BTBD9: variants seen among roughly 807,000 people sequenced by gnomAD.
BTBD9 encodes the protein BTB domain containing 9.
Under a neutral mutation model 64.3 loss-of-function variants are expected in BTBD9, and 49 were observed. The observed-to-expected ratio is 0.76, with a 90% CI of 0.61 to 0.97. BTBD9 has a LOEUF of 0.97. Ranked by LOEUF, BTBD9 falls within the 50% of genes least tolerant of loss-of-function variation. The pLI, the probability that BTBD9 is intolerant of heterozygous loss-of-function variation, is 0.00. For missense variants in BTBD9, 598 were observed against 762.1 expected (o/e 0.78, Z 2.53); for synonymous variants, 260 against 274.7 (o/e 0.95, Z 0.53).
At chr6:38,317,523 C>A (rs1179009994) in intron 7 of BTBD9, among the ~76,000 whole-genome samples, 1 of 152,046 alleles carries the variant, frequency 6.6e-6, no homozygotes, top group Admixed American at 6.6e-5. Flanking sequence ...CCTTCTTGTA[C>A]TTGAATATTG....
At chr6:38,465,802 T>C (rs1770355890) in intron 6 of BTBD9, among the ~76,000 whole-genome samples, 1 of 135,646 alleles carries the variant, frequency 7.4e-6, no homozygotes, top group South Asian at 2.4e-4. Flanking sequence ...CTGAGTGACT[T>C]AGGTAATTTT....
chr6:38,296,945 T>G (rs909289228), intron 7 of BTBD9, among the ~76,000 whole-genome samples: 1 of 152,242 alleles, frequency 6.6e-6, no homozygotes, highest in Admixed American at 6.5e-5. Context: ...ATGTCTTATG[T>G]GTGCCTCAAA....
intron 6 of BTBD9, among the ~76,000 whole-genome samples, chr6:38,507,338 G>C (rs896048333): frequency 2.0e-5 from 3 of 152,118 alleles, no homozygotes; most frequent in Non-Finnish European, 4.4e-5. Context: ...GATTACTCCA[G>C]GAAGAAATGA....
chr6:38,225,285 G>A (rs1261298760), intron 9 of BTBD9, among the ~76,000 whole-genome samples: 1 of 152,210 alleles, frequency 6.6e-6, no homozygotes, highest in Non-Finnish European at 1.5e-5. Flanking sequence ...GCCCAATGAT[G>A]TGTCCTAGAG....
At chr6:38,235,350 A>G (rs1418536427) in intron 9 of BTBD9, among the ~76,000 whole-genome samples, 1 of 152,208 alleles carries the variant, frequency 6.6e-6, no homozygotes. Context: ...AGCAAGGACT[A>G]AAGGAAAGCC....
At chr6:38,365,106 T>C (rs1765135019) in intron 6 of BTBD9, among the ~76,000 whole-genome samples, 2 of 152,214 alleles carry the variant, frequency 1.3e-5, no homozygotes, top group South Asian at 2.1e-4. Context: ...ATAATATTTA[T>C]GACAAGTTTT....
intron 4 of BTBD9, among the ~76,000 whole-genome samples, chr6:38,584,334 A>G (rs1324569142): frequency 6.6e-6 from 1 of 152,224 alleles, no homozygotes; most frequent in African/African-American, 2.4e-5. Context: ...TCTTGAAAAA[A>G]CAAGGTGATA....
At chr6:38,318,684 C>G (rs1208487727) in intron 7 of BTBD9, among the ~76,000 whole-genome samples, 1 of 152,196 alleles carries the variant, frequency 6.6e-6, no homozygotes, top group Non-Finnish European at 1.5e-5. Flanking sequence ...ACCGCTGTGG[C>G]CACCACTATT....
At chr6:38,521,678 ACTT>A (rs531047058) in intron 6 of BTBD9, among the ~76,000 whole-genome samples, 40 of 150,812 alleles carry the variant, frequency 2.7e-4, no homozygotes, top group Middle Eastern at 3.4e-3. Flanking sequence ...CCTCCTCACT[ACTT>A]CTTTTTTTTT....
intron 1 of BTBD9, among the ~76,000 whole-genome samples, chr6:38,626,528 A>G (rs1778173910): frequency 1.3e-5 from 2 of 152,108 alleles, no homozygotes; most frequent in African/African-American, 4.8e-5. Flanking sequence ...ACCTAATATT[A>G]CCTAGCAAGA....
intron 6 of BTBD9, among the ~76,000 whole-genome samples, chr6:38,401,191 T>C (rs1562131611): frequency 6.6e-6 from 1 of 152,210 alleles, no homozygotes; most frequent in African/African-American, 2.4e-5. Context: ...CCCCATGCTG[T>C]TCTCATGATA....
At position 38,577,639 on chromosome 6, in the gene BTBD9, C is replaced by T. The variant is rs1315146575; in HGVS notation, c.1115G>A (p.Arg372His). 13 of 1,610,036 alleles carry T rather than the reference C, an allele frequency of 8.1e-6. No homozygotes were observed. The highest frequency in any genetic ancestry group is 5.5e-5 in the South Asian group (5 of 90,968). ...RVIDHSQYLC[R>H]SWQKLYFPAR... The stretch of plus-strand genomic sequence containing the variant: ...TGGAAAATATAATTTCTGCCAAGAA[C>T]GACACAGATATTGTGAATGATCTAT... Residue 372 changes from arginine to histidine, a missense_variant, in exon 6 of 11, where the codon CGT becomes CAT. Coordinates refer to ENST00000481247, the MANE Select transcript of BTBD9 (RefSeq NM_001099272.2).
intron 9 of BTBD9, among the ~76,000 whole-genome samples, chr6:38,227,109 T>C (rs1281602629): frequency 1.3e-5 from 2 of 152,130 alleles, no homozygotes; most frequent in East Asian, 3.9e-4. Context: ...GTGCCTCAAG[T>C]CCCCTTAGTG....
intron 8 of BTBD9, among the ~76,000 whole-genome samples, chr6:38,276,351 G>T (rs1242259462): frequency 6.9e-6 from 1 of 145,318 alleles, no homozygotes; most frequent in African/African-American, 2.5e-5. Flanking sequence ...ACTGTTGTGG[G>T]GTGGGGGGAG....
chr6:38,527,263 C>CAAAAAAAAAAAAA (rs55979438), intron 6 of BTBD9, among the ~76,000 whole-genome samples: 4 of 53,338 alleles, frequency 7.5e-5, no homozygotes, highest in Admixed American at 3.2e-4. Context: ...GACTCTGTCT[C>CAAAAAAAAAAAAA]AAAAAAAAAA....
At chr6:38,507,873 G>A (rs1005497610) in intron 6 of BTBD9, among the ~76,000 whole-genome samples, 26 of 131,542 alleles carry the variant, frequency 2.0e-4, no homozygotes, top group East Asian at 6.6e-4. Context: ...TCGCTCTGTC[G>A]CCCAGGCTGG....
chr6:38,273,411 CAT>C (rs1005419846), intron 8 of BTBD9, among the ~76,000 whole-genome samples: 1 of 152,158 alleles, frequency 6.6e-6, no homozygotes, highest in Non-Finnish European at 1.5e-5. Context: ...TCCAGCTGCA[CAT>C]GTCAGACAAG....
At chr6:38,444,707 A>G (rs1247961714) in intron 6 of BTBD9, among the ~76,000 whole-genome samples, 1 of 152,178 alleles carries the variant, frequency 6.6e-6, no homozygotes, top group Non-Finnish European at 1.5e-5. Context: ...AGGATTATAC[A>G]GACTGTTATG....
chr6:38,338,956 A>G lies in BTBD9; in HGVS notation c.1264+6028T>C, dbSNP rs576875722. Among the ~76,000 whole-genome samples, 9 of 152,346 alleles carry G rather than the reference A, an allele frequency of 5.9e-5. No individual in the cohort carries two copies. The East Asian group carries it at 1.5e-3, about 26-fold the overall frequency. On this transcript the variant is annotated intron_variant, in intron 7 of 10. Transcript: ENST00000481247. ...GAACTGGCTAAAGTCCAGAAGTTTGACAACATGCTCTGCTGGCAAGGCTGT... is the reference window on the plus strand; with the variant it reads ...GAACTGGCTAAAGTCCAGAAGTTTGGCAACATGCTCTGCTGGCAAGGCTGT...
Sources: allele counts gnomAD v4.1 joint callset (sites outside exome capture counted in the v4.1 genomes callset), GRCh38; gene constraint gnomAD v4.1.1; transcripts MANE v1.5; gene names NCBI Gene and HGNC (gene_info 2026-07-23, HGNC 2026-07-21).